MKNK1: variants seen among roughly 807,000 people sequenced by gnomAD.
The protein encoded by MKNK1 is MAP kinase-interacting serine/threonine-protein kinase 1.
A neutral mutation model predicts 49.3 loss-of-function variants in MKNK1; 30 were observed. The ratio of observed to expected loss-of-function variants is 0.61; its 90% CI spans 0.46 to 0.83. MKNK1 has a LOEUF of 0.83. MKNK1 is among the 40% of genes least tolerant of loss of function. The pLI, the probability that MKNK1 is intolerant of heterozygous loss-of-function variation, is 0.00. For synonymous variants in MKNK1, 176 were observed against 201.7 expected, an observed-to-expected ratio of 0.87 and a Z score of 1.08; for missense variants, 423 against 524.7, an observed-to-expected ratio of 0.81 and a Z score of 1.89.
intron 7 of MKNK1, chr1:46,571,654 A>ATATT (rs1290046022): frequency 2.9e-6 from 1 of 345,292 alleles, no homozygotes; most frequent in African/African-American, 2.2e-5. Flanking sequence ...GAGGTGATGT[A>ATATT]TATTTTAAGA....
At chr1:46,568,592 C>A in intron 7 of MKNK1, 94 bp from the exon 8 acceptor site, 1 of 1,192,026 alleles carries the variant, frequency 8.4e-7, no homozygotes, top group Non-Finnish European at 1.2e-6. Flanking sequence ...CTGTAGTTCG[C>A]AGATTAATTC....
In MKNK1 at chr1:46,558,773, G is replaced by A. The variant is rs1462932036; in HGVS notation, c.1041C>T (p.Leu347=). 1.2e-6 allele frequency: 2 copies of A among 1,613,992 alleles called. No homozygotes were observed. Among genetic ancestry groups the A allele is most frequent in the Non-Finnish European group, 1.7e-6 (2 of 1,180,020 alleles). Reference sequence around the variant, plus strand: ...TAAGGGCGATGGCCTCAGCTGCGAAGAGCGTCAGGTCCATTGTGCTGCTGT... The same window carrying A: ...TAAGGGCGATGGCCTCAGCTGCGAAAAGCGTCAGGTCCATTGTGCTGCTGT... ...QRNSSTMDLT[L]FAAEAIALNR... The change falls in exon 13 of 13, where the codon CTC becomes CTT. Residue 347 remains leucine, a synonymous_variant. Transcript: ENST00000371945.
intron 9 of MKNK1, among the ~76,000 whole-genome samples, chr1:46,563,977 A>AG (rs1396364206): frequency 4.3e-5 from 6 of 139,912 alleles, no homozygotes; most frequent in Admixed American, 1.6e-4. Context: ...CCCAGGAGGC[A>AG]GAGCTTGCAG....
intron 1 of MKNK1, among the ~76,000 whole-genome samples, chr1:46,598,024 T>C (rs1416568739): frequency 6.6e-6 from 1 of 152,188 alleles, no homozygotes; most frequent in Non-Finnish European, 1.5e-5. Flanking sequence ...TGGCTTTAAG[T>C]ACAGAAAAGG....
intron 6 of MKNK1, among the ~76,000 whole-genome samples, chr1:46,573,015 A>C (rs762584740): frequency 6.6e-6 from 1 of 152,256 alleles, no homozygotes; most frequent in Non-Finnish European, 1.5e-5. Flanking sequence ...AGTAGTTACT[A>C]GTGCCATGTG....
chr1:46,566,222 G>T (rs1329535057), intron 8 of MKNK1, among the ~76,000 whole-genome samples: 1 of 152,116 alleles, frequency 6.6e-6, no homozygotes, highest in Non-Finnish European at 1.5e-5. Flanking sequence ...GCCCATTCCA[G>T]ATATTTCATA....
intron 7 of MKNK1, chr1:46,568,740 A>C: frequency 5.9e-6 from 3 of 512,724 alleles, no homozygotes; most frequent in Non-Finnish European, 1.1e-5. Flanking sequence ...GAAGGGCTAA[A>C]TGAATCCCAG....
Position 46,580,585 on chromosome 1 carries a change from T to C in MKNK1, c.143A>G (p.Tyr48Cys), listed in dbSNP as rs372667430. Residue 48 changes from tyrosine to cysteine, a missense_variant, in exon 4 of 13, where the codon TAT (tyrosine) becomes TGT (cysteine). Coordinates refer to ENST00000371945, the MANE Select transcript of MKNK1 (RefSeq NM_001135553.4). ...GCTCACGGCACCTTGAACTTTGGCA[T>C]AGGCTCCCTCTCCAAGCAATTCAGA... ...LTSELLGEGA[Y>C]AKVQGAVSLQ... is the part of the protein sequence containing the mutation. 4.2e-5 allele frequency: 68 copies of C among 1,614,058 alleles called. No homozygotes were observed. Among genetic ancestry groups the C allele is most frequent in the African/African-American group, 6.7e-5 (5 of 74,942 alleles).
At chr1:46,594,361 G>A (rs1471860536) in intron 1 of MKNK1, 81 bp from the exon 2 acceptor site, 8 of 613,630 alleles carry the variant, frequency 1.3e-5, no homozygotes, top group African/African-American at 3.7e-5. Context: ...CAATCTGAAC[G>A]TGCCCCAAAC....
rs367798211 is a variant in MKNK1, at chr1:46,557,901, AAAC to A, written c.*671_*673del. 2.6e-3 allele frequency: 402 copies of A among 152,526 alleles called. 12 individuals are homozygous for A. In the South Asian group the frequency reaches 0.039, roughly 15 times the overall value. The allele number at this position is 152,526 out of a possible 1,614,324, so 9.4% of individuals were successfully genotyped here. On this transcript the variant is annotated 3_prime_UTR_variant, in exon 13 of 13. Coordinates refer to ENST00000371945, the MANE Select transcript of MKNK1 (RefSeq NM_001135553.4). ...AAAACACCAAACTTTTTTTTTAAAA[AAAC>A]GATACTACTGACTTTAGCAGCAATC... is the stretch of plus-strand genomic sequence containing the variant.
intron 8 of MKNK1, among the ~76,000 whole-genome samples, chr1:46,566,183 T>G (rs1669029404): frequency 6.6e-6 from 1 of 152,250 alleles, no homozygotes; most frequent in African/African-American, 2.4e-5. Context: ...CTGACTTTAT[T>G]AATTAAGACT....
At chr1:46,582,861 T>C (rs1671948077) in intron 3 of MKNK1, 1 of 479,160 alleles carries the variant, frequency 2.1e-6, no homozygotes, top group South Asian at 1.5e-5. Context: ...TGTTTCTCTC[T>C]TCCTCTTATA....
At chr1:46,558,859 A>G in intron 12 of MKNK1, 59 bp from the exon 13 acceptor site, 1 of 1,467,582 alleles carries the variant, frequency 6.8e-7, no homozygotes, top group Non-Finnish European at 9.3e-7. Flanking sequence ...CAGCCAGGCC[A>G]GCTCCGGGAC....
chr1:46,571,534 C>T (rs1266912449), intron 7 of MKNK1: 5 of 439,646 alleles, frequency 1.1e-5, no homozygotes, highest in Non-Finnish European at 2.3e-5. Context: ...CAGAGAGAGA[C>T]TTTGTCTAAA....
chr1:46,587,249 C>T (rs1672704253), intron 2 of MKNK1, among the ~76,000 whole-genome samples: 1 of 152,238 alleles, frequency 6.6e-6, no homozygotes, highest in South Asian at 2.1e-4. Context: ...AGCACTTCCG[C>T]TGCCTCCAGC....
intron 8 of MKNK1, 101 bp downstream of exon 8, chr1:46,568,342 G>T: frequency 9.7e-7 from 1 of 1,031,552 alleles, no homozygotes; most frequent in Non-Finnish European, 1.5e-6. Flanking sequence ...AGTTCAAGTT[G>T]GTGTCTGAGG....
At chr1:46,592,428 T>C (rs972928002) in intron 2 of MKNK1, among the ~76,000 whole-genome samples, 4 of 152,162 alleles carry the variant, frequency 2.6e-5, no homozygotes, top group Non-Finnish European at 4.4e-5. Context: ...TAAAGGAGTT[T>C]TGGGGACCCC....
At chr1:46,562,625 A>G (rs1168451665) in intron 10 of MKNK1, 24 bp downstream of exon 10, 3 of 1,547,396 alleles carry the variant, frequency 1.9e-6, no homozygotes, top group Non-Finnish European at 2.6e-6. Flanking sequence ...GGGTCTACGC[A>G]GTGCTCCCTG....
chr1:46,601,485 C>T (rs1674724194), intron 1 of MKNK1, among the ~76,000 whole-genome samples: 1 of 152,246 alleles, frequency 6.6e-6, no homozygotes, highest in South Asian at 2.1e-4. Context: ...CCTGTTTGAA[C>T]TGTACTATTA....
Sources: gnomAD v4.1 joint callset for allele counts (sites outside exome capture counted in the v4.1 genomes callset) on GRCh38, gnomAD v4.1.1 for gene constraint, MANE v1.5 for transcripts, NCBI Gene and HGNC (gene_info 2026-07-23, HGNC 2026-07-21) for gene names.